The following CACNB2 variants were observed in gnomAD, a reference collection of about 807,000 sequenced individuals.
The protein encoded by CACNB2 is calcium voltage-gated channel auxiliary subunit beta 2, also known as voltage-dependent L-type calcium channel subunit beta-2.
A neutral mutation model predicts 73.3 loss-of-function variants in CACNB2; 42 were observed. The ratio of observed to expected loss-of-function variants is 0.57; its 90% CI spans 0.45 to 0.74. CACNB2 has a LOEUF of 0.74. CACNB2 is among the 30% of genes least tolerant of loss of function. The pLI is 0.00. For synonymous variants in CACNB2, 348 were observed against 310.3 expected (o/e 1.12, Z -1.28); for missense variants, 940 against 853.0 (o/e 1.10, Z -1.27).
Position 18,226,581 on chromosome 10 carries a change from G to A in CACNB2, c.213+75606G>A, listed in dbSNP as rs542472266. The stretch of plus-strand genomic sequence containing the variant: ...TTAAAACCTGATCTTCCTGTTTGTT[G>A]CTTCTACGATCTGCCGGCACTTCTT... On this transcript the variant is annotated intron_variant, in intron 2 of 13. Transcript: ENST00000324631. Among the ~76,000 whole-genome samples the A allele has an allele frequency of 2.0e-5, 3 of 152,254 alleles. No individual in the cohort carries two copies. The South Asian group carries it at 6.2e-4, about 32-fold the overall frequency.
chr10:18,282,884 C>G (rs2038614316), intron 2 of CACNB2, among the ~76,000 whole-genome samples: 1 of 152,092 alleles, frequency 6.6e-6, no homozygotes, highest in African/African-American at 2.4e-5. Context: ...GAACAGGCAA[C>G]CTACAGAATG....
rs1466525644 is a variant in CACNB2, at chr10:18,542,659, C to T, written c.*2935C>T. Reference sequence around the variant, plus strand: ...CAAAGAACTAGCTTGAAGGATTTGACATAAGAGCCGCTATATGTGAAAAAC... The same window carrying T: ...CAAAGAACTAGCTTGAAGGATTTGATATAAGAGCCGCTATATGTGAAAAAC... On this transcript the variant is annotated 3_prime_UTR_variant, in exon 14 of 14. Transcript: ENST00000324631. 1.3e-5 allele frequency: 2 copies of T among 152,124 alleles called. No homozygotes were observed. The highest frequency in any genetic ancestry group is 2.9e-5 in the Non-Finnish European group (2 of 68,030). 9.4% of individuals were successfully genotyped at this position (152,124 alleles called of 1,614,324 possible). A position where few individuals can be genotyped will look rare whatever the true frequency, so the allele number is the denominator to read the frequency against.
chr10:18,196,154 C>T (rs551696406), intron 2 of CACNB2, among the ~76,000 whole-genome samples: 15 of 152,048 alleles, frequency 9.9e-5, no homozygotes, highest in Admixed American at 6.5e-5. Context: ...ACAGATGTGA[C>T]ACAGAGATTA....
At chr10:18,453,619 C>G (rs1399680862) in intron 3 of CACNB2, among the ~76,000 whole-genome samples, 1 of 152,224 alleles carries the variant, frequency 6.6e-6, no homozygotes, top group Non-Finnish European at 1.5e-5. Context: ...CGTACACATA[C>G]TTACCAATTT....
intron 2 of CACNB2, among the ~76,000 whole-genome samples, chr10:18,364,493 T>C (rs1589147125): frequency 6.6e-6 from 1 of 151,200 alleles, no homozygotes; most frequent in Non-Finnish European, 1.5e-5. Flanking sequence ...TAGAGATGGG[T>C]TTTACCATGT....
At chr10:18,467,928 G>A (rs1317859678) in intron 3 of CACNB2, among the ~76,000 whole-genome samples, 1 of 152,114 alleles carries the variant, frequency 6.6e-6, no homozygotes, top group Non-Finnish European at 1.5e-5. Context: ...TTCCCCTACT[G>A]CTTAGTATGA....
intron 2 of CACNB2, among the ~76,000 whole-genome samples, chr10:18,394,938 C>A (rs1050032196): frequency 2.6e-5 from 4 of 152,108 alleles, no homozygotes; most frequent in Admixed American, 1.3e-4. Flanking sequence ...CCGGAGACAT[C>A]ATGTTTCCAG....
At chr10:18,537,350 T>G (rs2053702932) in intron 12 of CACNB2, among the ~76,000 whole-genome samples, 1 of 152,224 alleles carries the variant, frequency 6.6e-6, no homozygotes, top group Non-Finnish European at 1.5e-5. Flanking sequence ...TAATATATGT[T>G]AAAATTTATA....
intron 2 of CACNB2, among the ~76,000 whole-genome samples, chr10:18,166,456 C>T (rs956104124): frequency 5.3e-5 from 8 of 152,172 alleles, no homozygotes; most frequent in African/African-American, 1.7e-4. Context: ...AAACCCCTGA[C>T]CTCAGGTGAT....
chr10:18,478,639 G>C (rs1425086925), intron 3 of CACNB2, among the ~76,000 whole-genome samples: 1 of 152,204 alleles, frequency 6.6e-6, no homozygotes, highest in East Asian at 1.9e-4. Context: ...GAGAATCTCA[G>C]ATTACTTATT....
chr10:18,175,466 G>A (rs879905453), intron 2 of CACNB2, among the ~76,000 whole-genome samples: 4 of 152,146 alleles, frequency 2.6e-5, no homozygotes, highest in Admixed American at 6.6e-5. Context: ...TTTTTATGAG[G>A]AACACTCGTT....
intron 4 of CACNB2, 27 bp from the exon 5 acceptor site, chr10:18,500,785 T>A (rs2050152483): frequency 1.2e-6 from 2 of 1,611,600 alleles, no homozygotes; most frequent in Non-Finnish European, 1.7e-6. Flanking sequence ...GTGCACTGAT[T>A]TTTAATGCTT....
At chr10:18,170,964 G>A (rs1160268695) in intron 2 of CACNB2, among the ~76,000 whole-genome samples, 1 of 152,210 alleles carries the variant, frequency 6.6e-6, no homozygotes, top group Non-Finnish European at 1.5e-5. Flanking sequence ...CAATGGAAGA[G>A]AAGATTCATT....
intron 3 of CACNB2, among the ~76,000 whole-genome samples, chr10:18,481,886 A>C (rs754235105): frequency 6.6e-6 from 1 of 152,276 alleles, no homozygotes; most frequent in Non-Finnish European, 1.5e-5. Context: ...TAAGCTGGTC[A>C]CAATTTTTTT....
chr10:18,256,018 C>T (rs1471626081), intron 2 of CACNB2, among the ~76,000 whole-genome samples: 1 of 152,098 alleles, frequency 6.6e-6, no homozygotes, highest in African/African-American at 2.4e-5. Context: ...AACATTAATC[C>T]TCATACTTTC....
rs190144899 is a variant in CACNB2 at position 18,523,775 on chromosome 10, T to C, written c.945-3813T>C. On this transcript the variant is annotated intron_variant, in intron 9 of 13. Coordinates refer to ENST00000324631, the MANE Select transcript of CACNB2 (RefSeq NM_201596.3). ...AAAGTATCAGGTGTGTATATACATA[T>C]GACATTCTAAAAGGGAAAAATGAAT... is the stretch of plus-strand genomic sequence containing the variant. Among the ~76,000 whole-genome samples the C allele has an allele frequency of 9.1e-4, 138 of 152,342 alleles. 2 individuals carry two copies. Among genetic ancestry groups the C allele is most frequent in the African/African-American group, 3.1e-3 (129 of 41,580 alleles).
chr10:18,294,563 A>C (rs889867884), intron 2 of CACNB2, among the ~76,000 whole-genome samples: 7 of 152,232 alleles, frequency 4.6e-5, no homozygotes, highest in African/African-American at 1.4e-4. Flanking sequence ...GAAATAGAAC[A>C]GGGAAGGGGT....
intron 2 of CACNB2, among the ~76,000 whole-genome samples, chr10:18,276,142 A>G (rs985522814): frequency 6.6e-6 from 1 of 152,238 alleles, no homozygotes; most frequent in East Asian, 1.9e-4. Flanking sequence ...GATATAAAAG[A>G]TTAGAACTGT....
chr10:18,351,706 T>G (rs1392377212), intron 2 of CACNB2, among the ~76,000 whole-genome samples: 1 of 152,218 alleles, frequency 6.6e-6, no homozygotes, highest in Non-Finnish European at 1.5e-5. Context: ...ATGAATTGAG[T>G]TCAGCATAAT....
Sources: gnomAD v4.1 joint callset for allele counts (sites outside exome capture counted in the v4.1 genomes callset) on GRCh38, gnomAD v4.1.1 for gene constraint, MANE v1.5 for transcripts, NCBI Gene and HGNC (gene_info 2026-07-23, HGNC 2026-07-21) for gene names.